The following ULK4 variants were observed in gnomAD, a reference collection of about 807,000 sequenced individuals.
The protein encoded by ULK4 is inactive serine/threonine-protein kinase ULK4.
Under a neutral mutation model 160.6 loss-of-function variants are expected in ULK4, and 133 were observed. That is an observed-to-expected ratio of 0.83 (90% confidence interval 0.72 to 0.96). ULK4 has a LOEUF of 0.96. Among genes scored for constraint, ULK4 ranks in the 40% least tolerant of loss-of-function variants. The probability of loss-of-function intolerance (pLI) is 0.00; values close to 1 mark genes in which losing one functional copy is unlikely to be tolerated. For missense variants in ULK4, 1,580 were observed against 1,499.5 expected, an observed-to-expected ratio of 1.05 and a Z score of -0.89; for synonymous variants, 534 against 539.8, an observed-to-expected ratio of 0.99 and a Z score of 0.15.
intron 19 of ULK4, among the ~76,000 whole-genome samples, chr3:41,811,847 G>A (rs1203876729): frequency 2.0e-5 from 3 of 152,112 alleles, no homozygotes; most frequent in Non-Finnish European, 4.4e-5. Context: ...TTTGGGAGAG[G>A]AAGCTATAAT....
At chr3:41,621,491 C>A (rs1351990663) in intron 30 of ULK4, among the ~76,000 whole-genome samples, 3 of 152,122 alleles carry the variant, frequency 2.0e-5, no homozygotes, top group Non-Finnish European at 2.9e-5. Context: ...CTTCAACAAA[C>A]CTGACAAAAA....
chr3:41,346,082 G>A (rs909000024), intron 35 of ULK4, among the ~76,000 whole-genome samples: 6 of 152,086 alleles, frequency 3.9e-5, no homozygotes, highest in Admixed American at 2.6e-4. Flanking sequence ...GAGAGATAAC[G>A]CAGAAGTCAA....
chr3:41,352,019 A>C (rs968370269), intron 35 of ULK4, among the ~76,000 whole-genome samples: 2 of 152,230 alleles, frequency 1.3e-5, no homozygotes, highest in Admixed American at 6.5e-5. Flanking sequence ...AATTGCATAG[A>C]TAGAGGTAGT....
At chr3:41,729,335 G>T (rs868619911) in intron 22 of ULK4, among the ~76,000 whole-genome samples, 1 of 152,124 alleles carries the variant, frequency 6.6e-6, no homozygotes, top group Admixed American at 6.5e-5. Context: ...CACTCCTCAC[G>T]GGCCAATTGC....
chr3:41,487,412 G>A (rs1230662470), intron 32 of ULK4, among the ~76,000 whole-genome samples: 2 of 152,068 alleles, frequency 1.3e-5, no homozygotes, highest in African/African-American at 4.8e-5. Context: ...TTTGTAAAAA[G>A]AGAATTAAGT....
At chr3:41,758,019 G>T (rs1301759176) in intron 21 of ULK4, among the ~76,000 whole-genome samples, 1 of 152,156 alleles carries the variant, frequency 6.6e-6, no homozygotes. Context: ...AGCGTTAAGA[G>T]GTGGAGCCTT....
chr3:41,589,450 A>AAAT (rs1306146245), intron 31 of ULK4, among the ~76,000 whole-genome samples: 3 of 151,308 alleles, frequency 2.0e-5, no homozygotes, highest in African/African-American at 7.3e-5. Flanking sequence ...AAAAAAAAAA[A>AAAT]ATCCTAAGAA....
chr3:41,259,620 T>C (rs1266787277), intron 35 of ULK4, among the ~76,000 whole-genome samples: 1 of 152,168 alleles, frequency 6.6e-6, no homozygotes, highest in Non-Finnish European at 1.5e-5. Context: ...TGCTCACAAA[T>C]ATGACTCACA....
chr3:41,899,543 G>A (rs1321542860), intron 13 of ULK4, among the ~76,000 whole-genome samples: 1 of 152,204 alleles, frequency 6.6e-6, no homozygotes, highest in African/African-American at 2.4e-5. Flanking sequence ...TGCAGCCCAA[G>A]ACGGCTTTGA....
intron 34 of ULK4, among the ~76,000 whole-genome samples, chr3:41,421,044 G>A (rs2082653349): frequency 6.6e-6 from 1 of 151,792 alleles, no homozygotes; most frequent in Admixed American, 6.6e-5. Flanking sequence ...AGCCTGGGAG[G>A]CGGAGGTTGC....
At chr3:41,610,154 T>C (rs1319000280) in intron 31 of ULK4, among the ~76,000 whole-genome samples, 1 of 151,802 alleles carries the variant, frequency 6.6e-6, no homozygotes, top group East Asian at 1.9e-4. Flanking sequence ...TAGTTGGGAT[T>C]ACAGGCACAC....
chr3:41,618,685 G>A (rs1010620283), intron 30 of ULK4, among the ~76,000 whole-genome samples: 2 of 152,050 alleles, frequency 1.3e-5, no homozygotes, highest in Non-Finnish European at 2.9e-5. Flanking sequence ...AAAATATAAA[G>A]ACCAATGACA....
At chr3:41,309,505 G>A (rs1454677921) in intron 35 of ULK4, among the ~76,000 whole-genome samples, 1 of 151,966 alleles carries the variant, frequency 6.6e-6, no homozygotes, top group East Asian at 1.9e-4. Flanking sequence ...GCCCAGCTAT[G>A]AGATTTTAAA....
At chr3:41,923,912 TATTG>T (rs1312965754) in intron 5 of ULK4, among the ~76,000 whole-genome samples, 1 of 152,154 alleles carries the variant, frequency 6.6e-6, no homozygotes, top group Admixed American at 6.6e-5. Flanking sequence ...TAGGCCACAT[TATTG>T]ATTTATATAA....
chr3:41,956,329 G>T (rs1700485256), intron 1 of ULK4, among the ~76,000 whole-genome samples: 1 of 152,192 alleles, frequency 6.6e-6, no homozygotes, highest in Non-Finnish European at 1.5e-5. Context: ...GCTCTAGGGG[G>T]TATTTGGACC....
Position 41,681,734 on chromosome 3 carries a change from C to T in ULK4, c.2833+19G>A, listed in dbSNP as rs147082770. 1.9e-5 allele frequency: 30 copies of T among 1,614,034 alleles called. No individual in the cohort carries two copies. In the African/African-American group the frequency reaches 3.6e-4, roughly 19 times the overall value. On this transcript the variant is annotated intron_variant, in intron 28 of 36. Transcript: ENST00000301831. ...GAATGTGTAACTGATGCAATTCTTG[C>T]TGGTGTCATCACACTTACCATTTTG...
chr3:41,357,079 C>G (rs1196178814), intron 35 of ULK4, among the ~76,000 whole-genome samples: 1 of 152,046 alleles, frequency 6.6e-6, no homozygotes, highest in Non-Finnish European at 1.5e-5. Flanking sequence ...GTGTTGGACC[C>G]CAGAGTAAAG....
chr3:41,503,741 A>C (rs1309423975), intron 32 of ULK4, among the ~76,000 whole-genome samples: 1 of 152,182 alleles, frequency 6.6e-6, no homozygotes, highest in East Asian at 1.9e-4. Flanking sequence ...AAAAACAAGA[A>C]ATCTGATGAT....
chr3:41,873,215 G>C (rs1417928745), intron 17 of ULK4, among the ~76,000 whole-genome samples: 1 of 136,084 alleles, frequency 7.3e-6, no homozygotes, highest in Non-Finnish European at 1.5e-5. Flanking sequence ...AGGTAAATGA[G>C]TTGCCTTTCT....
Sources: allele counts gnomAD v4.1 joint callset (sites outside exome capture counted in the v4.1 genomes callset), GRCh38; gene constraint gnomAD v4.1.1; transcripts MANE v1.5; gene names NCBI Gene and HGNC (gene_info 2026-07-23, HGNC 2026-07-21).